Variants in LSAMP observed in about 807,000 individuals in gnomAD.
LSAMP encodes the protein limbic system-associated membrane protein.
In LSAMP, 7 loss-of-function variants were observed where a neutral mutation model predicts 38.6. The observed-to-expected ratio is 0.18, with a 90% CI of 0.10 to 0.34. The LOEUF is 0.34. Among genes scored for constraint, LSAMP ranks in the 10% least tolerant of loss-of-function variants. LSAMP has a pLI of 1.00. For synonymous variants in LSAMP, 154 were observed against 166.8 expected (o/e 0.92, Z 0.59); for missense variants, 313 against 420.0 (o/e 0.75, Z 2.23).
chr3:116,436,250 A>C (rs2049347881), intron 1 of LSAMP, among the ~76,000 whole-genome samples: 1 of 152,220 alleles, frequency 6.6e-6, no homozygotes. Flanking sequence ...AAAATTCTAG[A>C]AGGTGACATT....
chr3:115,892,342 A>G (rs1459140612), intron 3 of LSAMP, among the ~76,000 whole-genome samples: 2 of 151,964 alleles, frequency 1.3e-5, no homozygotes, highest in Non-Finnish European at 2.9e-5. Flanking sequence ...CCAAATAGAA[A>G]CCACCCAATG....
chr3:116,392,415 C>T (rs1440822237), intron 1 of LSAMP, among the ~76,000 whole-genome samples: 1 of 152,236 alleles, frequency 6.6e-6, no homozygotes, highest in Non-Finnish European at 1.5e-5. Flanking sequence ...CCAGGTGCTG[C>T]TGTCACAGCC....
intron 1 of LSAMP, among the ~76,000 whole-genome samples, chr3:116,391,665 A>G (rs1253111599): frequency 1.3e-5 from 2 of 151,920 alleles, no homozygotes; most frequent in Non-Finnish European, 2.9e-5. Context: ...CCAGGGAATG[A>G]TTCCGGGGAA....
Position 115,906,272 on chromosome 3 carries a change from A to G in LSAMP, c.515-53655T>C, listed in dbSNP as rs559681088. On this transcript the variant is annotated intron_variant, in intron 3 of 6. Transcript: ENST00000490035. ...ATGCTACTTTTATTTATGCCGTTTC[A>G]TCTATCTGAGACCAGCATTTATTAA... Among the ~76,000 whole-genome samples, 102 of 152,296 alleles carry G rather than the reference A, an allele frequency of 6.7e-4. 1 individual carries two copies. Among genetic ancestry groups the G allele is most frequent in the African/African-American group, 2.3e-3 (95 of 41,588 alleles).
intron 1 of LSAMP, among the ~76,000 whole-genome samples, chr3:116,211,233 G>T (rs1385453689): frequency 6.6e-6 from 1 of 152,254 alleles, no homozygotes; most frequent in South Asian, 2.1e-4. Context: ...ATGCAAAATT[G>T]CATTTAGACA....
intron 2 of LSAMP, among the ~76,000 whole-genome samples, chr3:116,050,887 T>C (rs1343972377): frequency 6.6e-6 from 1 of 152,238 alleles, no homozygotes; most frequent in Non-Finnish European, 1.5e-5. Flanking sequence ...AGATAAATTG[T>C]GCCTTATAAG....
intron 1 of LSAMP, among the ~76,000 whole-genome samples, chr3:116,339,555 C>T (rs1357849906): frequency 6.6e-6 from 1 of 151,784 alleles, no homozygotes; most frequent in African/African-American, 2.4e-5. Flanking sequence ...GTAGGGTCTG[C>T]ATTCTCTCCC....
chr3:116,098,260 A>C (rs978730089), intron 1 of LSAMP, among the ~76,000 whole-genome samples: 4 of 151,784 alleles, frequency 2.6e-5, no homozygotes, highest in African/African-American at 9.7e-5. Flanking sequence ...GCACTTTGGG[A>C]GGCCGAGGCA....
chr3:116,233,436 A>G (rs2046427593), intron 1 of LSAMP, among the ~76,000 whole-genome samples: 1 of 146,288 alleles, frequency 6.8e-6, no homozygotes, highest in Non-Finnish European at 1.5e-5. Context: ...AAAAAAAAAG[A>G]TGGACTAGGT....
rs117191729 is a variant in LSAMP at position 116,404,547 on chromosome 3, G to A, written c.155+40330C>T. On this transcript the variant is annotated intron_variant, in intron 1 of 6. Transcript: ENST00000490035. ...AATGTGGTGGGTAGACGAATGGACA[G>A]ATGGGTGAATAAATGTAAATAAGTC... is the stretch of plus-strand genomic sequence containing the variant. Among the ~76,000 whole-genome samples the A allele has an allele frequency of 1.1e-4, 17 of 152,288 alleles. No homozygotes were observed. The East Asian group carries it at 2.7e-3, about 24-fold the overall frequency.
At chr3:116,276,604 A>G (rs2047054879) in intron 1 of LSAMP, among the ~76,000 whole-genome samples, 1 of 151,790 alleles carries the variant, frequency 6.6e-6, no homozygotes, top group African/African-American at 2.4e-5. Context: ...ATGCACCAAA[A>G]TCTCACACAT....
At position 116,443,663 on chromosome 3, in the gene LSAMP, C is replaced by T. The variant is rs1000182326; in HGVS notation, c.155+1214G>A. Among the ~76,000 whole-genome samples, 5 of 152,266 alleles carry T rather than the reference C, an allele frequency of 3.3e-5. No individual in the cohort carries two copies. The East Asian group carries it at 5.8e-4, about 18-fold the overall frequency. On this transcript the variant is annotated intron_variant, in intron 1 of 6. Transcript: ENST00000490035. ...GGGTTTATGCACTATCAGCTCCTTG[C>T]ACACAGATTAGAGGTTTATTTTCTA...
At chr3:115,886,203 G>A (rs1296056306) in intron 3 of LSAMP, among the ~76,000 whole-genome samples, 2 of 151,868 alleles carry the variant, frequency 1.3e-5, no homozygotes, top group Admixed American at 6.6e-5. Context: ...ATGTCTTCTA[G>A]AAATACCCTT....
chr3:115,896,928 C>T (rs904883265), intron 3 of LSAMP, among the ~76,000 whole-genome samples: 1 of 152,102 alleles, frequency 6.6e-6, no homozygotes, highest in African/African-American at 2.4e-5. Context: ...ACTTCTTGTC[C>T]TCCTTGGAAA....
intron 4 of LSAMP, among the ~76,000 whole-genome samples, chr3:115,850,002 C>T (rs1361195600): frequency 6.6e-6 from 1 of 152,118 alleles, no homozygotes; most frequent in Admixed American, 6.5e-5. Flanking sequence ...CATGCTAGGT[C>T]CTGCTTGTTA....
At chr3:116,287,829 C>CTGTT (rs2047213371) in intron 1 of LSAMP, among the ~76,000 whole-genome samples, 1 of 152,164 alleles carries the variant, frequency 6.6e-6, no homozygotes, top group Non-Finnish European at 1.5e-5. Context: ...TCTTATAGAG[C>CTGTT]TGTTAGTTTG....
At chr3:116,010,319 G>A (rs903798614) in intron 3 of LSAMP, among the ~76,000 whole-genome samples, 4 of 152,198 alleles carry the variant, frequency 2.6e-5, no homozygotes, top group African/African-American at 9.7e-5. Context: ...TGTTCTTTAA[G>A]TGTAAGCTTT....
intron 1 of LSAMP, among the ~76,000 whole-genome samples, chr3:116,232,355 G>C (rs1044227028): frequency 6.6e-6 from 1 of 152,020 alleles, no homozygotes; most frequent in Non-Finnish European, 1.5e-5. Context: ...TCAATCCCAC[G>C]GATTATAAAA....
rs11328666 is a variant in LSAMP, at chr3:116,090,210, T to TA, written c.156-3655dup. 8.2e-3 allele frequency among the ~76,000 whole-genome samples: 1,035 copies of TA among 126,644 alleles called. 6 individuals are homozygous for TA. Among genetic ancestry groups the TA allele is most frequent in the Middle Eastern group, 0.06 (14 of 232 alleles). 83.1% of individuals were successfully genotyped at this position (126,644 alleles called of 152,430 possible). On this transcript the variant is annotated intron_variant, in intron 1 of 6. Coordinates refer to ENST00000490035, the MANE Select transcript of LSAMP (RefSeq NM_002338.5). ...AGCCTGGCCAGAGTGAGACCTTGTC[T>TA]AAAAAAAAAAAAAAAGAAAGAGAAA...
Sources: allele counts gnomAD v4.1 joint callset (sites outside exome capture counted in the v4.1 genomes callset), GRCh38; gene constraint gnomAD v4.1.1; transcripts MANE v1.5; gene names NCBI Gene and HGNC (gene_info 2026-07-23, HGNC 2026-07-21).